WARS2: variants seen among roughly 807,000 people sequenced by gnomAD.
WARS2 encodes tryptophanyl tRNA synthetase 2, mitochondrial, also known as tryptophan--tRNA ligase, mitochondrial.
Under a neutral mutation model 36.5 loss-of-function variants are expected in WARS2, and 28 were observed. The observed-to-expected ratio is 0.77, with a 90% confidence interval of 0.57 to 1.05. The LOEUF (loss-of-function observed/expected upper bound fraction) is 1.05. Ranked by LOEUF, WARS2 falls within the 50% of genes least tolerant of loss-of-function variation. WARS2 has a pLI of 0.00. For synonymous variants in WARS2, 174 were observed against 178.4 expected (o/e 0.98, Z 0.20); for missense variants, 435 against 456.8 (o/e 0.95, Z 0.44).
At chr1:119,128,555 A>G (rs1318975264) in intron 1 of WARS2, among the ~76,000 whole-genome samples, 1 of 151,782 alleles carries the variant, frequency 6.6e-6, no homozygotes, top group East Asian at 1.9e-4. Context: ...AAAAAGCTTG[A>G]TTTAACATTC....
intron 1 of WARS2, 69 bp downstream of exon 1, chr1:119,140,486 A>G (rs1275420454): frequency 7.1e-7 from 1 of 1,418,410 alleles, no homozygotes; most frequent in African/African-American, 1.4e-5. Context: ...AGAAATAAAT[A>G]GAGGGCAGTG....
chr1:119,047,470 T>G (rs1648958991), intron 2 of WARS2: 2 of 152,174 alleles, frequency 1.3e-5, no homozygotes, highest in African/African-American at 2.4e-5. Flanking sequence ...AGCTTTTTAT[T>G]TGGACATATG....
At chr1:119,113,531 T>C (rs1463685119) in intron 1 of WARS2, among the ~76,000 whole-genome samples, 1 of 152,150 alleles carries the variant, frequency 6.6e-6, no homozygotes, top group Non-Finnish European at 1.5e-5. Context: ...AGTAAATTTT[T>C]TTTAAGGTTA....
intron 1 of WARS2, among the ~76,000 whole-genome samples, chr1:119,088,704 G>A (rs934325208): frequency 6.6e-6 from 1 of 152,158 alleles, no homozygotes; most frequent in African/African-American, 2.4e-5. Context: ...TGCTATCTTC[G>A]ATGGCTAGGT....
chr1:119,135,316 A>G lies in WARS2; in HGVS notation c.90+5239T>C, dbSNP rs181585022. ...CCCTGGGTTGTGGAGTGGGGCGGGT[A>G]ATGGGGGAGAGGGAAATCAAACAAG... On this transcript the variant is annotated intron_variant, in intron 1 of 5. Coordinates refer to ENST00000235521, the MANE Select transcript of WARS2 (RefSeq NM_015836.4). Among the ~76,000 whole-genome samples, 9 of 152,254 alleles carry G rather than the reference A, an allele frequency of 5.9e-5. No individual in the cohort carries two copies. In the East Asian group the frequency reaches 1.7e-3, roughly 29 times the overall value.
Position 119,043,216 on chromosome 1 carries a change from CTAAGGTATAGCATCTCTTGTAAAA to C in WARS2, c.430-891_430-868del, listed in dbSNP as rs369552876. 4.4e-3 allele frequency among the ~76,000 whole-genome samples: 668 copies of C among 152,264 alleles called. 11 individuals are homozygous for C. Among genetic ancestry groups the C allele is most frequent in the African/African-American group, 0.015 (623 of 41,538 alleles). ...GCAATATTCTGTGCAGTTTCAAGGC[CTAAGGTATAGCATCTCTTGTAAAA>C]TAAATGGATACTTTGGTGTGTAGAC... On this transcript the variant is annotated intron_variant, in intron 3 of 5. Transcript: ENST00000235521.
chr1:119,108,064 T>C (rs184796510), intron 1 of WARS2, among the ~76,000 whole-genome samples: 17 of 152,190 alleles, frequency 1.1e-4, no homozygotes, highest in Admixed American at 8.5e-4. Flanking sequence ...TTATGCATTG[T>C]TGGATTCACT....
chr1:119,103,568 CT>C (rs1239592478), intron 1 of WARS2, among the ~76,000 whole-genome samples: 1 of 151,926 alleles, frequency 6.6e-6, no homozygotes, highest in African/African-American at 2.4e-5. Context: ...TGTACTTTAA[CT>C]TTTTTGTACT....
At chr1:119,073,736 T>C (rs1651505961) in intron 2 of WARS2, among the ~76,000 whole-genome samples, 2 of 152,206 alleles carry the variant, frequency 1.3e-5, no homozygotes, top group South Asian at 4.1e-4. Flanking sequence ...TCTCCCATAT[T>C]GTGGGTTACT....
At chr1:119,103,253 C>T (rs587748913) in intron 1 of WARS2, among the ~76,000 whole-genome samples, 5 of 152,120 alleles carry the variant, frequency 3.3e-5, no homozygotes, top group South Asian at 4.2e-4. Context: ...GGAGTCTTGC[C>T]GTTTCTGTTA....
chr1:119,129,036 C>T (rs587726892), intron 1 of WARS2, among the ~76,000 whole-genome samples: 21 of 152,286 alleles, frequency 1.4e-4, no homozygotes, highest in African/African-American at 5.1e-4. Flanking sequence ...ATTTCAAAGA[C>T]ACTTTAAAGA....
chr1:119,058,920 C>G (rs928104048), intron 2 of WARS2, among the ~76,000 whole-genome samples: 2 of 151,168 alleles, frequency 1.3e-5, no homozygotes, highest in Non-Finnish European at 3.0e-5. Flanking sequence ...TTTACAGTCC[C>G]ACCAACAGTG....
rs754517999 is a variant in WARS2 at position 119,083,215 on chromosome 1, C to T, written c.91-6608G>A. Among the ~76,000 whole-genome samples, 13 of 152,082 alleles carry T rather than the reference C, an allele frequency of 8.5e-5. 2 individuals are homozygous for T. Among genetic ancestry groups the T allele is most frequent in the African/African-American group, 2.4e-4 (10 of 41,496 alleles). ...TTGCACTCCAGCCTGGGTGACAGAG[C>T]GCTACTCCATCTCCAAAAAAGAAAA... On this transcript the variant is annotated intron_variant, in intron 1 of 5. Transcript: ENST00000235521.
intron 1 of WARS2, chr1:119,085,473 C>CTT (rs113262693): frequency 4.2e-4 from 660 of 1,558,936 alleles, no homozygotes; most frequent in Non-Finnish European, 5.3e-4. Flanking sequence ...TCCTTTTTGT[C>CTT]TTTTTTTGCG....
At chr1:119,121,428 G>A (rs1655318344) in intron 1 of WARS2, among the ~76,000 whole-genome samples, 1 of 152,114 alleles carries the variant, frequency 6.6e-6, no homozygotes, top group South Asian at 2.1e-4. Context: ...CCATGTTCAT[G>A]AATGGGTAGA....
At chr1:119,045,478 T>C (rs553580894) in intron 3 of WARS2, 104 bp downstream of exon 3, 1 of 925,680 alleles carries the variant, frequency 1.1e-6, no homozygotes, top group Admixed American at 2.1e-5. Context: ...CAACCATTAG[T>C]GAGTGGCAGA....
chr1:119,119,643 T>C (rs940162095), intron 1 of WARS2, among the ~76,000 whole-genome samples: 3 of 152,084 alleles, frequency 2.0e-5, no homozygotes, highest in African/African-American at 4.8e-5. Context: ...TCCTCCAAGA[T>C]AGACCATATG....
chr1:119,069,717 C>A (rs1194459115), intron 2 of WARS2, among the ~76,000 whole-genome samples: 1 of 152,142 alleles, frequency 6.6e-6, no homozygotes, highest in Non-Finnish European at 1.5e-5. Flanking sequence ...TAGATTTTTA[C>A]ATGAGGGCAG....
chr1:119,125,449 G>A (rs1164529089), intron 1 of WARS2, among the ~76,000 whole-genome samples: 1 of 152,100 alleles, frequency 6.6e-6, no homozygotes, highest in Non-Finnish European at 1.5e-5. Context: ...TAGAATTTAA[G>A]ATTTCTGCTT....
Sources: allele counts gnomAD v4.1 joint callset (sites outside exome capture counted in the v4.1 genomes callset), GRCh38; gene constraint gnomAD v4.1.1; transcripts MANE v1.5; gene names NCBI Gene and HGNC (gene_info 2026-07-23, HGNC 2026-07-21).